Variants in CLIC5 observed in about 807,000 individuals in gnomAD.
CLIC5 encodes the protein chloride intracellular channel protein 5.
In CLIC5, 20 loss-of-function variants were observed where a neutral mutation model predicts 24.7. The observed-to-expected ratio is 0.81, with a 90% CI of 0.57 to 1.18. The LOEUF (loss-of-function observed/expected upper bound fraction) is 1.18, where lower values mean the gene tolerates loss of function less well. CLIC5 is among the 50% of genes most tolerant of loss of function. The pLI is 0.00. For synonymous variants in CLIC5, 159 were observed against 135.6 expected (o/e 1.17, Z -1.20); for missense variants, 341 against 326.1 (o/e 1.05, Z -0.35).
At chr6:45,992,881 C>A (rs184956130) in intron 1 of CLIC5, among the ~76,000 whole-genome samples, 7 of 152,128 alleles carry the variant, frequency 4.6e-5, no homozygotes, top group Admixed American at 3.3e-4. Flanking sequence ...TGATAATTAC[C>A]CCCCTGCCTT....
chr6:45,928,161 T>G (rs1033019951), intron 4 of CLIC5, among the ~76,000 whole-genome samples: 5 of 152,110 alleles, frequency 3.3e-5, no homozygotes, highest in African/African-American at 1.2e-4. Context: ...TGTAGCAACT[T>G]TTTCCCAACA....
At chr6:45,998,621 G>T (rs868352571) in intron 1 of CLIC5, among the ~76,000 whole-genome samples, 21 of 152,318 alleles carry the variant, frequency 1.4e-4, no homozygotes, top group African/African-American at 3.8e-4. Flanking sequence ...TGTTCTCCAA[G>T]TAATTCAGAA....
intron 1 of CLIC5, among the ~76,000 whole-genome samples, chr6:45,967,677 G>A (rs1236953024): frequency 1.3e-5 from 2 of 152,186 alleles, no homozygotes; most frequent in African/African-American, 4.8e-5. Context: ...CCTGCAGGCT[G>A]TACAAGTGCC....
chr6:46,008,914 A>G (rs1040822388), intron 1 of CLIC5, among the ~76,000 whole-genome samples: 1 of 152,134 alleles, frequency 6.6e-6, no homozygotes, highest in African/African-American at 2.4e-5. Flanking sequence ...TCCACTGAGT[A>G]GTTCAGCCCT....
At chr6:46,080,536 C>T (rs1000676792), upstream of CLIC5, among the ~76,000 whole-genome samples, 4 of 152,190 alleles carry the variant, frequency 2.6e-5, no homozygotes, top group Non-Finnish European at 5.9e-5. Flanking sequence ...CTCCAAGATT[C>T]TTTGGGTAAG....
At chr6:46,112,443 C>A in the CLIC5 span, among the ~76,000 whole-genome samples, 1 of 152,114 alleles carries the variant, frequency 6.6e-6, no homozygotes, top group African/African-American at 2.4e-5. Flanking sequence ...TCTGTTTTGC[C>A]GCAATCCAAG....
intron 1 of CLIC5, among the ~76,000 whole-genome samples, chr6:45,987,174 T>C (rs1425662689): frequency 4.6e-5 from 7 of 152,222 alleles, no homozygotes; most frequent in Non-Finnish European, 1.0e-4. Flanking sequence ...GCAAAATGTT[T>C]GCTTCCTAGA....
At chr6:46,044,050 G>A (rs1471305772) in intron 1 of CLIC5, among the ~76,000 whole-genome samples, 1 of 152,118 alleles carries the variant, frequency 6.6e-6, no homozygotes, top group African/African-American at 2.4e-5. Context: ...ACAATGCTGG[G>A]AGCAAAATAG....
intron 1 of CLIC5, among the ~76,000 whole-genome samples, chr6:46,064,926 T>A (rs957328021): frequency 6.7e-6 from 1 of 150,072 alleles, no homozygotes; most frequent in Non-Finnish European, 1.5e-5. Context: ...ATTAAAGAAT[T>A]GATAAATGGG....
intron 1 of CLIC5, among the ~76,000 whole-genome samples, chr6:46,023,016 C>A (rs932724652): frequency 6.6e-6 from 1 of 152,184 alleles, no homozygotes; most frequent in Non-Finnish European, 1.5e-5. Context: ...TACATACTTA[C>A]AAACAGGCTA....
chr6:45,953,635 C>T (rs1049924522), intron 2 of CLIC5, among the ~76,000 whole-genome samples: 1 of 150,660 alleles, frequency 6.6e-6, no homozygotes, highest in Non-Finnish European at 1.5e-5. Context: ...ATCGGGGCTT[C>T]GGATGCATCA....
chr6:46,097,406 C>T, the CLIC5 span: 1 of 152,160 alleles, frequency 6.6e-6, no homozygotes, highest in South Asian at 2.1e-4. Context: ...TAGCCCTGAC[C>T]CCAGCTTGGG....
chr6:45,984,930 C>A (rs1399817715), intron 1 of CLIC5, among the ~76,000 whole-genome samples: 1 of 152,184 alleles, frequency 6.6e-6, no homozygotes, highest in African/African-American at 2.4e-5. Flanking sequence ...TCGGTAACTG[C>A]CATCCTTGAC....
intron 1 of CLIC5, among the ~76,000 whole-genome samples, chr6:46,056,776 T>C (rs1215843619): frequency 6.6e-6 from 1 of 152,218 alleles, no homozygotes; most frequent in Non-Finnish European, 1.5e-5. Flanking sequence ...TGACTATAGC[T>C]ATTATCTCTA....
At chr6:46,071,350 T>G (rs1762590180) in intron 1 of CLIC5, among the ~76,000 whole-genome samples, 1 of 151,962 alleles carries the variant, frequency 6.6e-6, no homozygotes, top group South Asian at 2.1e-4. Context: ...ATCCAGCATC[T>G]AAAAGGAACT....
At chr6:46,088,163 G>GTGTA in the CLIC5 span, among the ~76,000 whole-genome samples, 2 of 141,928 alleles carry the variant, frequency 1.4e-5, no homozygotes, top group African/African-American at 5.2e-5. Context: ...CTCTCTTTCT[G>GTGTA]TGTGTGTGTG....
intron 1 of CLIC5, among the ~76,000 whole-genome samples, chr6:46,002,885 C>A (rs759520172): frequency 3.9e-5 from 6 of 152,212 alleles, no homozygotes; most frequent in Non-Finnish European, 5.9e-5. Context: ...TAAGGAAAGG[C>A]AAAACCTTGG....
At chr6:46,064,421 C>G (rs1762384764) in intron 1 of CLIC5, among the ~76,000 whole-genome samples, 1 of 151,718 alleles carries the variant, frequency 6.6e-6, no homozygotes, top group African/African-American at 2.4e-5. Flanking sequence ...AAACACATTC[C>G]CATCTCATTC....
chr6:46,001,228 G>A (rs1164243062), intron 1 of CLIC5, among the ~76,000 whole-genome samples: 1 of 152,148 alleles, frequency 6.6e-6, no homozygotes, highest in African/African-American at 2.4e-5. Flanking sequence ...TGGGGTAGGT[G>A]GGTACCAAGA....
Sources: gnomAD v4.1 joint callset for allele counts (sites outside exome capture counted in the v4.1 genomes callset) on GRCh38, gnomAD v4.1.1 for gene constraint, MANE v1.5 for transcripts, NCBI Gene and HGNC (gene_info 2026-07-23, HGNC 2026-07-21) for gene names.